TRAPPC12: variants seen among roughly 807,000 people sequenced by gnomAD.
TRAPPC12 encodes the protein trafficking protein particle complex subunit 12.
In TRAPPC12, 61 loss-of-function variants were observed where a neutral mutation model predicts 69.2. The observed-to-expected ratio is 0.88, with a 90% CI of 0.72 to 1.09. TRAPPC12 has a LOEUF of 1.09. TRAPPC12 is among the 50% of genes least tolerant of loss of function. TRAPPC12 has a pLI of 0.00. For missense variants in TRAPPC12, 1,101 were observed against 1,016.4 expected, an observed-to-expected ratio of 1.08 and a Z score of -1.13; for synonymous variants, 469 against 438.9, an observed-to-expected ratio of 1.07 and a Z score of -0.86.
At chr2:3,426,811 G>A (rs992672572) in intron 5 of TRAPPC12, among the ~76,000 whole-genome samples, 1 of 152,176 alleles carries the variant, frequency 6.6e-6, no homozygotes, top group Non-Finnish European at 1.5e-5. Context: ...CCAAAGTTCC[G>A]TCCAGTCCGC....
chr2:3,458,338 C>A (rs1247930931), intron 7 of TRAPPC12: 2 of 986,056 alleles, frequency 2.0e-6, no homozygotes, highest in African/African-American at 3.5e-5. Flanking sequence ...TAGCCTCACT[C>A]CCTCACTCCT....
chr2:3,424,447 A>G (rs1662982476), intron 4 of TRAPPC12, 78 bp from the exon 5 acceptor site: 2 of 1,323,796 alleles, frequency 1.5e-6, no homozygotes, highest in South Asian at 1.4e-5. Context: ...AACCTCTAAC[A>G]CCAACTCATA....
At chr2:3,415,030 A>T (rs1022872010) in intron 3 of TRAPPC12, among the ~76,000 whole-genome samples, 3 of 152,120 alleles carry the variant, frequency 2.0e-5, no homozygotes, top group Non-Finnish European at 4.4e-5. Context: ...TTGAGCAGTC[A>T]TGGATTTGGT....
At chr2:3,467,836 C>G (rs1424025982) in intron 9 of TRAPPC12, 1 of 152,340 alleles carries the variant, frequency 6.6e-6, no homozygotes, top group African/African-American at 2.4e-5. Context: ...TCCTCATCTC[C>G]GCTGGGTTCA....
At chr2:3,431,314 C>T (rs1280813386) in intron 5 of TRAPPC12, among the ~76,000 whole-genome samples, 1 of 152,230 alleles carries the variant, frequency 6.6e-6, no homozygotes, top group African/African-American at 2.4e-5. Flanking sequence ...ACAGCACAGC[C>T]GTCTGCCTTC....
At chr2:3,471,146 G>A (rs914982073) in intron 9 of TRAPPC12, among the ~76,000 whole-genome samples, 5 of 152,212 alleles carry the variant, frequency 3.3e-5, no homozygotes, top group African/African-American at 1.2e-4. Context: ...CCTCCGAGGA[G>A]CTGACTTTCA....
intron 5 of TRAPPC12, among the ~76,000 whole-genome samples, chr2:3,425,819 A>G (rs1361343375): frequency 2.0e-5 from 3 of 152,244 alleles, no homozygotes; most frequent in Non-Finnish European, 4.4e-5. Flanking sequence ...TAATTCCTAT[A>G]GAAGTCTCAG....
chr2:3,439,315 A>G (rs1187858698), intron 5 of TRAPPC12, among the ~76,000 whole-genome samples: 1 of 152,034 alleles, frequency 6.6e-6, no homozygotes, highest in Non-Finnish European at 1.5e-5. Context: ...TTTTTTGGAG[A>G]CAGAGTCTCA....
At chr2:3,385,894 C>T (rs1174207284) in intron 1 of TRAPPC12, among the ~76,000 whole-genome samples, 2 of 152,232 alleles carry the variant, frequency 1.3e-5, no homozygotes, top group African/African-American at 4.8e-5. Flanking sequence ...AAGGAGCAGC[C>T]TTACCATGCA....
At chr2:3,394,121 A>G (rs1364199144) in intron 2 of TRAPPC12, among the ~76,000 whole-genome samples, 1 of 152,040 alleles carries the variant, frequency 6.6e-6, no homozygotes, top group Non-Finnish European at 1.5e-5. Context: ...GCTTTTTCCC[A>G]TTGCTGTCTT....
intron 10 of TRAPPC12, chr2:3,478,033 C>G (rs538268372): frequency 1.6e-5 from 6 of 370,544 alleles, no homozygotes; most frequent in Non-Finnish European, 2.9e-5. Context: ...TTCAGAGAAG[C>G]GCTTGTATTG....
At chr2:3,470,351 G>A (rs1436013682) in intron 9 of TRAPPC12, among the ~76,000 whole-genome samples, 2 of 152,264 alleles carry the variant, frequency 1.3e-5, no homozygotes, top group Admixed American at 6.5e-5. Context: ...ATTCTTCCAG[G>A]CCAGCGTCCC....
chr2:3,411,256 C>T (rs747910200), intron 3 of TRAPPC12, among the ~76,000 whole-genome samples: 5 of 152,132 alleles, frequency 3.3e-5, no homozygotes, highest in Non-Finnish European at 7.4e-5. Flanking sequence ...AATTTGGTTC[C>T]TGCATGTCAA....
chr2:3,454,064 G>A (rs1664995534), intron 6 of TRAPPC12, among the ~76,000 whole-genome samples: 1 of 152,214 alleles, frequency 6.6e-6, no homozygotes, highest in African/African-American at 2.4e-5. Context: ...TGTCTGATAT[G>A]CCTATGTTCC....
intron 5 of TRAPPC12, among the ~76,000 whole-genome samples, chr2:3,428,993 C>A (rs530122997): frequency 3.3e-5 from 5 of 152,344 alleles, no homozygotes; most frequent in Admixed American, 1.3e-4. Flanking sequence ...CTACATCCAT[C>A]CCTAGAACCC....
intron 4 of TRAPPC12, among the ~76,000 whole-genome samples, chr2:3,424,043 T>A (rs1662963824): frequency 6.6e-6 from 1 of 152,120 alleles, no homozygotes; most frequent in African/African-American, 2.4e-5. Context: ...TTCCTCTCCT[T>A]CCTGCTCCCG....
intron 8 of TRAPPC12, among the ~76,000 whole-genome samples, chr2:3,463,925 C>T (rs993706488): frequency 1.3e-5 from 2 of 152,178 alleles, no homozygotes; most frequent in East Asian, 3.8e-4. Flanking sequence ...TGCTACTTTT[C>T]CCCGAGCTGG....
At chr2:3,446,543 C>T (rs527296468) in intron 6 of TRAPPC12, among the ~76,000 whole-genome samples, 2 of 152,332 alleles carry the variant, frequency 1.3e-5, no homozygotes, top group East Asian at 1.9e-4. Flanking sequence ...GAAGCACCGT[C>T]GCCAACTTCC....
chr2:3,418,208 C>T (rs1329071219), intron 3 of TRAPPC12, among the ~76,000 whole-genome samples: 1 of 93,862 alleles, frequency 1.1e-5, no homozygotes, highest in African/African-American at 5.8e-5. Context: ...AAATACTCGC[C>T]TGCTTCTGCC....
Sources: gnomAD v4.1 joint callset for allele counts (sites outside exome capture counted in the v4.1 genomes callset) on GRCh38, gnomAD v4.1.1 for gene constraint, MANE v1.5 for transcripts, NCBI Gene and HGNC (gene_info 2026-07-23, HGNC 2026-07-21) for gene names.